The following ARHGAP6 variants were observed in gnomAD, a reference collection of about 807,000 sequenced individuals.
ARHGAP6 encodes rho GTPase-activating protein 6.
Under a neutral mutation model 55.7 loss-of-function variants are expected in ARHGAP6, and 16 were observed. That is an observed-to-expected ratio of 0.29 (90% confidence interval 0.19 to 0.44). ARHGAP6 has a LOEUF of 0.44. Ranked by LOEUF, ARHGAP6 falls within the 20% of genes least tolerant of loss-of-function variation. The pLI is 1.00. For missense variants in ARHGAP6, 698 were observed against 808.9 expected (o/e 0.86, Z 1.66); for synonymous variants, 382 against 360.9 (o/e 1.06, Z -0.66).
At chrX:11,552,935 ATTG>A (rs1488565449) in intron 1 of ARHGAP6, among the ~76,000 whole-genome samples, 7 of 109,709 alleles carry the variant, frequency 6.4e-5, no homozygotes, top group African/African-American at 2.3e-4. Flanking sequence ...ATAACAGTGT[ATTG>A]TACACTTGAA....
intron 1 of ARHGAP6, among the ~76,000 whole-genome samples, chrX:11,514,302 G>C (rs2050814546): frequency 9.0e-6 from 1 of 110,568 alleles, no homozygotes; most frequent in African/African-American, 3.3e-5. Context: ...GAGCAAGATG[G>C]ATTTTGTTGT....
intron 1 of ARHGAP6, 92 bp downstream of exon 1, chrX:11,664,149 G>A (rs1015704404): frequency 1.1e-6 from 1 of 880,920 alleles, no homozygotes; most frequent in South Asian, 2.6e-5. Flanking sequence ...TGGGTGCCTT[G>A]CTCTGTAAAT....
chrX:11,428,230 G>T (rs920391110), intron 1 of ARHGAP6, among the ~76,000 whole-genome samples: 1 of 112,032 alleles, frequency 8.9e-6, no homozygotes, highest in East Asian at 2.8e-4. Context: ...TTCTGTGAGA[G>T]TCTCAAATTG....
In ARHGAP6 at chrX:11,139,436, C is replaced by T; in HGVS notation, c.2352G>A (p.Gln784=). The change falls in exon 13 of 13, where the codon CAG becomes CAA. Residue 784 remains glutamine, a synonymous_variant. Transcript: ENST00000337414. ...GNLSPNWPRW[Q]GSPAELDSDT... ...CGCTGTCCAGCTCTGCGGGGCTCCC[C>T]TGCCACCGAGGCCAATTTGGGGACA... 8.4e-7 allele frequency: 1 copy of T among 1,188,178 alleles called. No homozygotes were observed. Among genetic ancestry groups the T allele is most frequent in the Non-Finnish European group, 1.1e-6 (1 of 886,261 alleles).
Position 11,298,741 on chromosome X carries a change from A to C in ARHGAP6, c.589-44034T>G, listed in dbSNP as rs964547932. ...GGCCAACACTCCATGACTCCAATCC[A>C]ACACCACCAGCCAAACCTCCCTCCG... On this transcript the variant is annotated intron_variant, in intron 1 of 12. Transcript: ENST00000337414. The C allele has an allele frequency of 2.5e-6, 3 of 1,208,165 alleles. No homozygotes were observed. In the African/African-American group the frequency reaches 5.3e-5, roughly 21 times the overall value.
At chrX:11,597,107 G>A (rs1054574954) in intron 1 of ARHGAP6, among the ~76,000 whole-genome samples, 2 of 111,451 alleles carry the variant, frequency 1.8e-5, no homozygotes, top group Non-Finnish European at 3.8e-5. Flanking sequence ...GTTTTTCACA[G>A]GCTTAATACA....
intron 2 of ARHGAP6, among the ~76,000 whole-genome samples, chrX:11,228,212 A>C (rs1213301300): frequency 1.8e-5 from 2 of 111,870 alleles, no homozygotes; most frequent in Admixed American, 9.5e-5. Context: ...TATAAGACTG[A>C]CAGTCTTTTT....
Position 11,527,694 on chromosome X carries a change from C to T in ARHGAP6, c.588+136547G>A, listed in dbSNP as rs73497033. On this transcript the variant is annotated intron_variant, in intron 1 of 12. Transcript: ENST00000337414. ...TTTATCTGTTCCCACATCTTTTTAT[C>T]AATGACACTAGATTAGGGTTGCCAG... is the stretch of plus-strand genomic sequence containing the variant. Among the ~76,000 whole-genome samples the T allele has an allele frequency of 8.2e-3, 922 of 112,441 alleles. 14 individuals are homozygous for T. Among genetic ancestry groups the T allele is most frequent in the African/African-American group, 0.028 (876 of 31,037 alleles).
intron 1 of ARHGAP6, among the ~76,000 whole-genome samples, chrX:11,259,185 C>T: frequency 9.0e-6 from 1 of 111,511 alleles, no homozygotes; most frequent in East Asian, 2.8e-4. Context: ...ACTCTCTATC[C>T]ATGAGTTCAA....
intron 1 of ARHGAP6, among the ~76,000 whole-genome samples, chrX:11,321,899 C>A (rs776553688): frequency 8.9e-6 from 1 of 111,955 alleles, no homozygotes; most frequent in South Asian, 3.7e-4. Flanking sequence ...ATTACAGCTG[C>A]CAGTTTCCTG....
intron 2 of ARHGAP6, among the ~76,000 whole-genome samples, chrX:11,199,098 T>C (rs1386177430): frequency 8.9e-6 from 1 of 112,445 alleles, no homozygotes; most frequent in Non-Finnish European, 1.9e-5. Context: ...ATTCATCCTG[T>C]TGAAGCAGGT....
intron 1 of ARHGAP6, among the ~76,000 whole-genome samples, chrX:11,362,513 C>T (rs898838248): frequency 4.6e-5 from 5 of 108,477 alleles, no homozygotes; most frequent in East Asian, 2.9e-4. Context: ...TGTGGGGTGG[C>T]GGAAGGGGGG....
intron 2 of ARHGAP6, among the ~76,000 whole-genome samples, chrX:11,237,925 C>A (rs901808694): frequency 6.3e-5 from 7 of 111,621 alleles, no homozygotes; most frequent in African/African-American, 2.3e-4. Flanking sequence ...TAGTCCTGTG[C>A]TTCGTAGGAT....
At chrX:11,656,409 C>A (rs973256057) in intron 1 of ARHGAP6, among the ~76,000 whole-genome samples, 1 of 112,318 alleles carries the variant, frequency 8.9e-6, no homozygotes, top group Non-Finnish European at 1.9e-5. Context: ...AATTTTGTAG[C>A]ATAAAACAAC....
intron 1 of ARHGAP6, among the ~76,000 whole-genome samples, chrX:11,424,081 G>C (rs1474445250): frequency 8.9e-6 from 1 of 112,764 alleles, no homozygotes; most frequent in Non-Finnish European, 1.9e-5. Flanking sequence ...TTAAGTCACT[G>C]AAGGTCCAAC....
At chrX:11,413,915 A>G (rs1429967392) in intron 1 of ARHGAP6, among the ~76,000 whole-genome samples, 1 of 112,066 alleles carries the variant, frequency 8.9e-6, no homozygotes, top group Non-Finnish European at 1.9e-5. Flanking sequence ...TAGAGTAAAA[A>G]TTGGAGACTA....
chrX:11,311,197 G>A (rs762112494), intron 1 of ARHGAP6, among the ~76,000 whole-genome samples: 1 of 112,179 alleles, frequency 8.9e-6, no homozygotes, highest in Non-Finnish European at 1.9e-5. Flanking sequence ...GTCCAATGAA[G>A]AGACTGCCAC....
At chrX:11,464,746 G>A (rs932527672) in intron 1 of ARHGAP6, among the ~76,000 whole-genome samples, 2 of 112,285 alleles carry the variant, frequency 1.8e-5, no homozygotes, top group African/African-American at 6.5e-5. Flanking sequence ...TGAGCTTCAT[G>A]TAAGGAGCAA....
intron 10 of ARHGAP6, among the ~76,000 whole-genome samples, chrX:11,153,136 G>C (rs766588974): frequency 8.0e-5 from 9 of 111,868 alleles, no homozygotes; most frequent in South Asian, 3.8e-4. Flanking sequence ...TCACTTGGGA[G>C]CTTGTTAGAA....
Sources: allele counts gnomAD v4.1 joint callset (sites outside exome capture counted in the v4.1 genomes callset), GRCh38; gene constraint gnomAD v4.1.1; transcripts MANE v1.5; gene names NCBI Gene and HGNC (gene_info 2026-07-23, HGNC 2026-07-21).